Variants in VWA5B2 observed in about 807,000 individuals in gnomAD.
The protein encoded by VWA5B2 is von Willebrand factor A domain-containing protein 5B2.
A neutral mutation model predicts 118.5 loss-of-function variants in VWA5B2; 93 were observed. The ratio of observed to expected loss-of-function variants is 0.79; its 90% CI spans 0.66 to 0.93. VWA5B2 has a LOEUF of 0.93. Among genes scored for constraint, VWA5B2 ranks in the 40% least tolerant of loss-of-function variants. The pLI is 0.00. For missense variants in VWA5B2, 1,546 were observed against 1,672.8 expected (o/e 0.92, Z 1.32); for synonymous variants, 708 against 716.3 (o/e 0.99, Z 0.19).
Position 184,233,075 on chromosome 3 carries a change from C to A in VWA5B2, c.311-103C>A. On this transcript the variant is annotated intron_variant, in intron 3 of 19. Coordinates refer to ENST00000691901, the MANE Select transcript of VWA5B2 (RefSeq NM_001390846.1). This position sits in a 1 kb window ranked among gnomAD's most constrained non-coding sequence, Gnocchi z 5.2. ...TTAGCCTAGTGCCAACACGCAAAGT[C>A]CCCCTTGCCCAGGCTCCCTGACCCA... 9.6e-7 allele frequency: 1 copy of A among 1,038,644 alleles called. No homozygotes were observed. The highest frequency in any genetic ancestry group is 1.4e-6 in the Non-Finnish European group (1 of 712,166). The allele number at this position is 1,038,644 out of a possible 1,614,324, so 64.3% of individuals were successfully genotyped here.
intron 16 of VWA5B2, 155 bp from the exon 17 acceptor site, chr3:184,240,636 T>G: frequency 9.8e-7 from 1 of 1,018,362 alleles, no homozygotes; most frequent in Admixed American, 2.8e-5. Context: ...CTTGTCAAAG[T>G]TGGGGAGTCT....
intron 3 of VWA5B2, among the ~76,000 whole-genome samples, chr3:184,231,380 G>T (rs1717386992): frequency 6.6e-6 from 1 of 152,134 alleles, no homozygotes; most frequent in Admixed American, 6.5e-5. Context: ...CATACACCAG[G>T]TACCGCTGCC....
Position 184,242,146 on chromosome 3 carries a change from TC to T in VWA5B2, c.*113del. On this transcript the variant is annotated 3_prime_UTR_variant, in exon 20 of 20. Coordinates refer to ENST00000691901, the MANE Select transcript of VWA5B2 (RefSeq NM_001390846.1). ...GAAAGTGTAGGCTGGTGCCAGCCTG[TC>T]CCCCACTGCTTCTTACTCCCTCCCT... 1 of 1,344,480 alleles carries T rather than the reference TC, an allele frequency of 7.4e-7. No individual in the cohort carries two copies. The highest frequency in any genetic ancestry group is 1.0e-6 in the Non-Finnish European group (1 of 990,796). 83.3% of individuals were successfully genotyped at this position (1,344,480 alleles called of 1,614,324 possible). A position where few individuals can be genotyped will look rare whatever the true frequency, so the allele number is the denominator to read the frequency against.
At chr3:184,234,595 G>A in intron 6 of VWA5B2, 36 bp from the exon 7 acceptor site, 1 of 1,547,410 alleles carries the variant, frequency 6.5e-7, no homozygotes, top group African/African-American at 1.4e-5. Context: ...CCAGAGGCAG[G>A]GCCTTCCTTG....
chr3:184,233,172 T>C lies in VWA5B2; in HGVS notation c.311-6T>C, dbSNP rs1307804611. On this transcript the variant is annotated splice_region_variant and splice_polypyrimidine_tract_variant and intron_variant, in intron 3 of 19. Coordinates refer to ENST00000691901, the MANE Select transcript of VWA5B2 (RefSeq NM_001390846.1). The surrounding 1 kb of genome is among the most constrained non-coding windows in gnomAD (Gnocchi z 5.2). ...ATGCTCTGACCCCATTTCTCACCCA[T>C]CATAGGTCATCTTGTCTTGGATCTG... The C allele has an allele frequency of 6.5e-7, 1 of 1,549,602 alleles. No individual in the cohort carries two copies. Among genetic ancestry groups the C allele is most frequent in the East Asian group, 2.4e-5 (1 of 40,904 alleles).
Position 184,238,325 on chromosome 3 carries a change from G to C in VWA5B2, c.1742G>C (p.Ser581Thr). 1 of 1,539,320 alleles carries C rather than the reference G, an allele frequency of 6.5e-7. No homozygotes were observed. Among genetic ancestry groups the C allele is most frequent in the Non-Finnish European group, 8.8e-7 (1 of 1,140,176 alleles). Reference sequence around the variant, plus strand: ...TAGGGCCAAGAGCCTGGCTGGCAGAGCTCGGGTGGGTCCGTGTTTCCATCC... The same window carrying C: ...TAGGGCCAAGAGCCTGGCTGGCAGACCTCGGGTGGGTCCGTGTTTCCATCC... Reference protein sequence around the residue: ...PPGGQEPGWQSSGGSVFPSPE... With the variant: ...PPGGQEPGWQTSGGSVFPSPE... The change falls in exon 13 of 20, where the codon AGC becomes ACC. Residue 581 changes from serine (S) to threonine (T), a missense_variant. Physicochemically the swap from Ser to Thr is moderately conservative, Grantham distance 58. Coordinates refer to ENST00000691901, the MANE Select transcript of VWA5B2 (RefSeq NM_001390846.1). The surrounding 1 kb of genome is among the most constrained non-coding windows in gnomAD (Gnocchi z 5.0).
Position 184,238,925 on chromosome 3 carries a change from C to T in VWA5B2, c.2202+52C>T, listed in dbSNP as rs1718280288. 7.0e-7 allele frequency: 1 copy of T among 1,426,304 alleles called. No homozygotes were observed. The highest frequency in any genetic ancestry group is 1.5e-5 in the South Asian group (1 of 66,404). 88.4% of individuals were successfully genotyped at this position (1,426,304 alleles called of 1,614,324 possible). On this transcript the variant is annotated intron_variant, in intron 14 of 19. Coordinates refer to ENST00000691901, the MANE Select transcript of VWA5B2 (RefSeq NM_001390846.1). This position sits in a 1 kb window ranked among gnomAD's most constrained non-coding sequence, Gnocchi z 5.0. ...CTTGTATCCAGCAAATATTTATTTA[C>T]CACCTGCTGTGCACCAGATATTATG... is the stretch of plus-strand genomic sequence containing the variant.
Position 184,235,179 on chromosome 3 carries a change from C to T in VWA5B2, c.972C>T (p.His324=). The change falls in exon 8 of 20, where the codon CAC becomes CAT. Residue 324 remains histidine (H), a synonymous_variant. Transcript: ENST00000691901. The part of the protein sequence containing the change: ...RQVWFLQRRF[H]KDILLNPVLA... Reference sequence around the variant, plus strand: ...TGTGGTTCCTGCAGCGACGCTTCCACAAGGACATCCTGCTGAACCCCGTGC... The same window carrying T: ...TGTGGTTCCTGCAGCGACGCTTCCATAAGGACATCCTGCTGAACCCCGTGC... 6.4e-7 allele frequency: 1 copy of T among 1,551,690 alleles called. No individual in the cohort carries two copies. The highest frequency in any genetic ancestry group is 2.0e-5 in the Admixed American group (1 of 51,004).
rs1346783527 is a variant in VWA5B2 at position 184,233,453 on chromosome 3, G to A, written c.530+56G>A. The A allele has an allele frequency of 6.7e-6, 10 of 1,498,362 alleles. No individual in the cohort carries two copies. The Admixed American group carries it at 9.1e-5, about 14-fold the overall frequency. 92.8% of individuals were successfully genotyped at this position (1,498,362 alleles called of 1,614,324 possible). ...CCCTCGGCTTCTCTGGGTCTAGTGC[G>A]GGTGAGGGGGCACTGGCAGGGTACC... On this transcript the variant is annotated intron_variant, in intron 4 of 19. Coordinates refer to ENST00000691901, the MANE Select transcript of VWA5B2 (RefSeq NM_001390846.1). This position sits in a 1 kb window ranked among gnomAD's most constrained non-coding sequence, Gnocchi z 5.2.
In VWA5B2 at chr3:184,241,816, T is replaced by G; in HGVS notation, c.3507T>G (p.Thr1169=). Residue 1169 remains threonine, a synonymous_variant, in exon 20 of 20, where the codon ACT becomes ACG. Transcript: ENST00000691901. This position sits in a 1 kb window ranked among gnomAD's most constrained non-coding sequence, Gnocchi z 5.1. Reference sequence around the variant, plus strand: ...ACCTGCGGGGCCGGACCTGGGCCACTGCCGTAGCACTCGCCTGGCTGGAGC... The same window carrying G: ...ACCTGCGGGGCCGGACCTGGGCCACGGCCGTAGCACTCGCCTGGCTGGAGC... ...GTDLRGRTWA[T]AVALAWLEHR... 1.3e-6 allele frequency: 2 copies of G among 1,516,496 alleles called. No homozygotes were observed. Among genetic ancestry groups the G allele is most frequent in the Non-Finnish European group, 1.8e-6 (2 of 1,133,240 alleles). 93.9% of individuals were successfully genotyped at this position (1,516,496 alleles called of 1,614,324 possible).
rs954977737 is a variant in VWA5B2 at position 184,235,264 on chromosome 3, C to T, written c.1057C>T (p.Arg353Trp). ...SKPGHLGTAT[R>W]ELLFLLDSSS... ...GCCCGGACACCTGGGGACAGCTACT[C>T]GGGAGCTACTCTTCCTTTTGGATAG... The change falls in exon 8 of 20, where the codon CGG becomes TGG. Residue 353 changes from arginine (R) to tryptophan (W), a missense_variant. Coordinates refer to ENST00000691901, the MANE Select transcript of VWA5B2 (RefSeq NM_001390846.1). 21 of 1,551,432 alleles carry T rather than the reference C, an allele frequency of 1.4e-5. No homozygotes were observed. Among genetic ancestry groups the T allele is most frequent in the African/African-American group, 1.2e-4 (9 of 73,028 alleles).
Position 184,239,627 on chromosome 3 carries a change from C to G in VWA5B2, c.2392+44C>G, listed in dbSNP as rs991212951. On this transcript the variant is annotated intron_variant, in intron 15 of 19. Transcript: ENST00000691901. This position sits in a 1 kb window ranked among gnomAD's most constrained non-coding sequence, Gnocchi z 5.1. ...GCTGGTTTCCCTGACACCAAAGAGG[C>G]CTTGGGGAGGTAAAGCCCAGAGGAC... The G allele has an allele frequency of 2.7e-6, 4 of 1,477,318 alleles. No individual in the cohort carries two copies. The highest frequency in any genetic ancestry group is 1.8e-4 in the Middle Eastern group (1 of 5,632). 91.5% of individuals were successfully genotyped at this position (1,477,318 alleles called of 1,614,324 possible).
chr3:184,241,444 G>A lies in VWA5B2; in HGVS notation c.3180+40G>A, dbSNP rs374762753. ...GGTGGAGGGTGGTGCCGCCGGGGCCGGGCGCTGTTTCAGCTCGCTTCTCCC... is the reference window on the plus strand; with the variant it reads ...GGTGGAGGGTGGTGCCGCCGGGGCCAGGCGCTGTTTCAGCTCGCTTCTCCC... On this transcript the variant is annotated intron_variant, in intron 19 of 19. Coordinates refer to ENST00000691901, the MANE Select transcript of VWA5B2 (RefSeq NM_001390846.1). This position sits in a 1 kb window ranked among gnomAD's most constrained non-coding sequence, Gnocchi z 5.1. 1.3e-6 allele frequency: 2 copies of A among 1,565,612 alleles called. No homozygotes were observed. Among genetic ancestry groups the A allele is most frequent in the East Asian group, 2.4e-5 (1 of 42,250 alleles).
At position 184,238,655 on chromosome 3, in the gene VWA5B2, C is replaced by T. The variant is rs1273993135; in HGVS notation, c.1984C>T (p.Arg662Trp). 1.3e-6 allele frequency: 2 copies of T among 1,551,674 alleles called. No homozygotes were observed. Among genetic ancestry groups the T allele is most frequent in the Non-Finnish European group, 1.7e-6 (2 of 1,147,060 alleles). Residue 662 changes from arginine (R) to tryptophan (W), a missense_variant, in exon 14 of 20, where the codon CGG (arginine) becomes TGG (tryptophan). Transcript: ENST00000691901. This position sits in a 1 kb window ranked among gnomAD's most constrained non-coding sequence, Gnocchi z 5.0. ...WRRIFQSSYI[R>W]EQYVLTHCSA... Reference sequence around the variant, plus strand: ...CCGCATCTTTCAGTCCTCGTACATTCGGGAGCAGTATGTGCTCACCCACTG... The same window carrying T: ...CCGCATCTTTCAGTCCTCGTACATTTGGGAGCAGTATGTGCTCACCCACTG...
At position 184,241,399 on chromosome 3, in the gene VWA5B2, C is replaced by T; in HGVS notation, c.3175C>T (p.Pro1059Ser). The T allele has an allele frequency of 6.3e-7, 1 of 1,580,598 alleles. No individual in the cohort carries two copies. Among genetic ancestry groups the T allele is most frequent in the Non-Finnish European group, 8.6e-7 (1 of 1,162,948 alleles). Residue 1059 changes from proline to serine, a missense_variant, in exon 19 of 20, where the codon CCC becomes TCC. By Grantham distance (74) the Pro-to-Ser change is moderately conservative. Coordinates refer to ENST00000691901, the MANE Select transcript of VWA5B2 (RefSeq NM_001390846.1). The surrounding 1 kb of genome is among the most constrained non-coding windows in gnomAD (Gnocchi z 5.1). Reference protein sequence around the residue: ...NSEGSDHDYLPLVRLQEAPGS... With the variant: ...NSEGSDHDYLSLVRLQEAPGS... ...TGAAGGCAGCGACCATGACTACCTG[C>T]CCTTGGTGAGGACTCGGGAGGTGGA...
At position 184,229,659 on chromosome 3, in the gene VWA5B2, C is replaced by T. The variant is rs966665439; in HGVS notation, c.-204C>T. ...CCGAGGGCCACCCGGAGCGCAGAGG[C>T]GGCACCACCCACACGGATCCCGTGG... On this transcript the variant is annotated 5_prime_UTR_variant, in exon 1 of 20. Transcript: ENST00000691901. Among the ~76,000 whole-genome samples, 5 of 152,114 alleles carry T rather than the reference C, an allele frequency of 3.3e-5. No individual in the cohort carries two copies. Among genetic ancestry groups the T allele is most frequent in the African/African-American group, 9.7e-5 (4 of 41,434 alleles).
chr3:184,240,094 T>C, intron 16 of VWA5B2, 58 bp downstream of exon 16: 6 of 1,347,956 alleles, frequency 4.5e-6, no homozygotes, highest in Non-Finnish European at 5.9e-6. Context: ...ACAGCAAAGG[T>C]AGAGGTCTGT....
rs1266415797 is a variant in VWA5B2 at position 184,236,472 on chromosome 3, C to T, written c.1342C>T (p.Leu448=). ...CAGGGCCTACCCTCGGCAGCTGTTC[C>T]TGCTCACTGCTGCCTCACCCATGGC... The part of the protein sequence containing the change: ...QHRAYPRQLF[L]LTAASPMAAT... Residue 448 remains leucine (L), a synonymous_variant, in exon 10 of 20, where the codon CTG becomes TTG. Coordinates refer to ENST00000691901, the MANE Select transcript of VWA5B2 (RefSeq NM_001390846.1). 1.9e-6 allele frequency: 3 copies of T among 1,546,742 alleles called. No homozygotes were observed. The South Asian group carries it at 3.6e-5, about 18-fold the overall frequency.
chr3:184,234,854 T>C, intron 7 of VWA5B2, 99 bp downstream of exon 7: 1 of 1,492,412 alleles, frequency 6.7e-7, no homozygotes, highest in Non-Finnish European at 9.0e-7. Context: ...CGGGGAGGCC[T>C]CTTTTCTCGG....
Sources: allele counts gnomAD v4.1 joint callset (sites outside exome capture counted in the v4.1 genomes callset), GRCh38; gene constraint gnomAD v4.1.1; non-coding constraint Gnocchi (gnomAD v3.1); transcripts MANE v1.5; gene names NCBI Gene and HGNC (gene_info 2026-07-23, HGNC 2026-07-21).